XPC: variants seen among roughly 807,000 people sequenced by gnomAD.
XPC encodes DNA repair protein complementing XP-C cells.
In XPC, 76 loss-of-function variants were observed where a neutral mutation model predicts 95.8. The ratio of observed to expected loss-of-function variants is 0.79; its 90% confidence interval spans 0.66 to 0.96. The LOEUF is 0.96. XPC is among the 40% of genes least tolerant of loss of function. The probability of loss-of-function intolerance (pLI) is 0.00; values close to 1 mark genes in which losing one functional copy is unlikely to be tolerated. For synonymous variants in XPC, 442 were observed against 442.1 expected (o/e 1.00, Z 0.00); for missense variants, 1,146 against 1,179.8 (o/e 0.97, Z 0.42).
chr3:14,148,719 C>T lies in XPC; in HGVS notation c.2263G>A (p.Glu755Lys), dbSNP rs776361955. ...VAVDGKVPRN[E>K]FGNVYLFLPS... The stretch of plus-strand genomic sequence containing the variant: ...AGGAAGAGGTACACATTCCCAAACT[C>T]GTTCCGGGGCACCTGTGTCGGGTGA... Residue 755 changes from glutamate to lysine, a missense_variant, in exon 13 of 16, where the codon GAG becomes AAG. By Grantham distance (56) the Glu-to-Lys change is moderately conservative. Transcript: ENST00000285021. 6.8e-6 allele frequency: 11 copies of T among 1,614,014 alleles called. No individual in the cohort carries two copies. Among genetic ancestry groups the T allele is most frequent in the East Asian group, 2.2e-5 (1 of 44,884 alleles).
Position 14,158,378 on chromosome 3 carries a change from G to C in XPC, c.1505C>G (p.Ser502Ter). 3 of 1,613,872 alleles carry C rather than the reference G, an allele frequency of 1.9e-6. No individual in the cohort carries two copies. The highest frequency in any genetic ancestry group is 2.5e-6 in the Non-Finnish European group (3 of 1,179,890). Residue 502 changes from serine (S) to a stop codon, truncating the protein, a stop_gained, in exon 9 of 16, where the codon TCA becomes TGA. Transcript: ENST00000285021. LOFTEE classifies it high-confidence loss of function. This position sits in a 1 kb window ranked among gnomAD's most constrained non-coding sequence, Gnocchi z 5.2. ...GCCTCTTTTACTGCTTGAAGAGCTT[G>C]AGGATGCCGCTGGCAAGCTTGGGTC... is the stretch of plus-strand genomic sequence containing the variant. ...RKDPSLPAAS[S>*]SSSSSKRGKK...
At chr3:14,173,879 T>C (rs1448917823) in intron 1 of XPC, among the ~76,000 whole-genome samples, 1 of 152,152 alleles carries the variant, frequency 6.6e-6, no homozygotes, top group Non-Finnish European at 1.5e-5. Context: ...TGACTCTGCT[T>C]CAATTAATTT....
intron 11 of XPC, chr3:14,151,457 G>C (rs1695685580): frequency 6.6e-6 from 1 of 152,228 alleles, no homozygotes; most frequent in African/African-American, 2.4e-5. Flanking sequence ...ATGGTGCAGA[G>C]AAAATCCTCA....
chr3:14,168,017 G>A (rs1007658867), intron 4 of XPC, among the ~76,000 whole-genome samples: 3 of 151,282 alleles, frequency 2.0e-5, no homozygotes, highest in South Asian at 2.1e-4. Context: ...GTAAGATAAC[G>A]GATGACCTGC....
rs569145682 is a variant in XPC, at chr3:14,145,423, G to A, written c.*518C>T. On this transcript the variant is annotated 3_prime_UTR_variant, in exon 16 of 16. Coordinates refer to ENST00000285021, the MANE Select transcript of XPC (RefSeq NM_004628.5). ...CTCTCCCCTACTGCAAAGAGGCAGT[G>A]AGGGCAGCATTAGTAAGCCTGACTC... 222 of 697,862 alleles carry A rather than the reference G, an allele frequency of 3.2e-4. 5 individuals are homozygous for A. The highest frequency in any genetic ancestry group is 2.6e-3 in the South Asian group (178 of 67,390). The allele number at this position is 697,862 out of a possible 1,614,324, so 43.2% of individuals were successfully genotyped here. A position where few individuals can be genotyped will look rare whatever the true frequency, so the allele number is the denominator to read the frequency against.
intron 10 of XPC, among the ~76,000 whole-genome samples, chr3:14,154,877 A>G (rs1695839275): frequency 1.4e-5 from 1 of 73,742 alleles, no homozygotes; most frequent in Non-Finnish European, 2.7e-5. Flanking sequence ...TAAAAAATTT[A>G]TAAATATTTT....
intron 4 of XPC, 41 bp downstream of exon 4, chr3:14,168,216 C>T (rs377615345): frequency 3.2e-6 from 5 of 1,573,380 alleles, no homozygotes; most frequent in Admixed American, 2.0e-5. Flanking sequence ...CTGTTGCCTA[C>T]TGCATGTGAC....
chr3:14,171,799 G>A (rs1336089249), intron 2 of XPC, among the ~76,000 whole-genome samples: 1 of 152,126 alleles, frequency 6.6e-6, no homozygotes, highest in Non-Finnish European at 1.5e-5. Flanking sequence ...CTCCAGCCTG[G>A]GCAACAGAGC....
At chr3:14,150,260 C>T (rs1387143888) in intron 11 of XPC, among the ~76,000 whole-genome samples, 6 of 152,220 alleles carry the variant, frequency 3.9e-5, no homozygotes, top group Non-Finnish European at 1.5e-5. Flanking sequence ...GAGGGCTGGC[C>T]CCTGGGCCTC....
chr3:14,146,432 C>T (rs1695440594), intron 15 of XPC, among the ~76,000 whole-genome samples: 4 of 152,160 alleles, frequency 2.6e-5, no homozygotes, highest in Admixed American at 2.6e-4. Context: ...CCTCTAGGAG[C>T]ACACTGCCTC....
chr3:14,174,771 A>G (rs896773623), intron 1 of XPC, among the ~76,000 whole-genome samples: 3 of 151,638 alleles, frequency 2.0e-5, no homozygotes, highest in Non-Finnish European at 4.4e-5. Context: ...TTTCTGCTAT[A>G]TAAAAAACAG....
intron 1 of XPC, chr3:14,178,216 C>T: frequency 1.9e-6 from 1 of 521,318 alleles, no homozygotes; most frequent in Non-Finnish European, 3.3e-6. Flanking sequence ...CTCTGGACAA[C>T]GGGGAGCGGG....
At position 14,158,728 on chromosome 3, in the gene XPC, C is replaced by T. The variant is rs2125026321; in HGVS notation, c.1155G>A (p.Arg385=). The T allele has an allele frequency of 1.2e-6, 2 of 1,613,874 alleles. No homozygotes were observed. Among genetic ancestry groups the T allele is most frequent in the South Asian group, 2.2e-5 (2 of 91,078 alleles). ...GTCRPSAKGK[R]NKGGRKKRSK... ...TCCGTTTCTTTCTGCCTCCCTTGTT[C>T]CTCTTCCCTTTGGCACTTGGCCTGC... The change falls in exon 9 of 16, where the codon AGG becomes AGA. Residue 385 remains arginine (R), a synonymous_variant. Transcript: ENST00000285021. The surrounding 1 kb of genome is among the most constrained non-coding windows in gnomAD (Gnocchi z 5.2).
intron 3 of XPC, among the ~76,000 whole-genome samples, chr3:14,169,577 G>C (rs916670330): frequency 6.6e-6 from 1 of 152,200 alleles, no homozygotes; most frequent in Non-Finnish European, 1.5e-5. Flanking sequence ...TATGGAAAAA[G>C]AAACAGGCAT....
chr3:14,150,301 C>CA (rs1695637850), intron 11 of XPC, among the ~76,000 whole-genome samples: 1 of 152,234 alleles, frequency 6.6e-6, no homozygotes, highest in Admixed American at 6.5e-5. Flanking sequence ...TGCAGGGGCC[C>CA]ACAAGCTTGT....
At chr3:14,154,622 G>A (rs1695827571) in intron 10 of XPC, among the ~76,000 whole-genome samples, 1 of 152,192 alleles carries the variant, frequency 6.6e-6, no homozygotes, top group Admixed American at 6.5e-5. Flanking sequence ...AAGGAGAATG[G>A]TGGGTGCAGG....
intron 4 of XPC, 31 bp from the exon 5 acceptor site, chr3:14,167,284 A>T: frequency 1.3e-6 from 2 of 1,588,780 alleles, no homozygotes; most frequent in Non-Finnish European, 8.6e-7. Context: ...TCTGGGAATG[A>T]AGGGGGGAAC....
At chr3:14,159,871 A>AGC (rs1696098529) in intron 7 of XPC, 41 bp from the exon 8 acceptor site, 1 of 1,525,286 alleles carries the variant, frequency 6.6e-7, no homozygotes, top group African/African-American at 1.4e-5. Context: ...TAAGAAAGTA[A>AGC]TTAAAGATGT....
intron 10 of XPC, chr3:14,152,734 G>T: frequency 3.5e-6 from 1 of 287,322 alleles, no homozygotes; most frequent in Non-Finnish European, 6.5e-6. Context: ...CAGACTATCA[G>T]GATGGGGTAA....
Sources: allele counts gnomAD v4.1 joint callset (sites outside exome capture counted in the v4.1 genomes callset), GRCh38; gene constraint gnomAD v4.1.1; non-coding constraint Gnocchi (gnomAD v3.1); transcripts MANE v1.5; gene names NCBI Gene and HGNC (gene_info 2026-07-23, HGNC 2026-07-21).